The following NEDD4L variants were observed in gnomAD, a reference collection of about 807,000 sequenced individuals.
The protein encoded by NEDD4L is E3 ubiquitin-protein ligase NEDD4-like.
A neutral mutation model predicts 148.9 loss-of-function variants in NEDD4L; 54 were observed. The observed-to-expected ratio is 0.36, with a 90% CI of 0.29 to 0.45. The LOEUF (loss-of-function observed/expected upper bound fraction) is 0.45. NEDD4L is among the 20% of genes least tolerant of loss of function. NEDD4L has a pLI of 1.00. For synonymous variants in NEDD4L, 433 were observed against 440.7 expected (o/e 0.98, Z 0.22); for missense variants, 856 against 1,233.8 (o/e 0.69, Z 4.59).
intron 19 of NEDD4L, among the ~76,000 whole-genome samples, chr18:58,363,340 C>G (rs2146000142): frequency 6.6e-6 from 1 of 152,278 alleles, no homozygotes; most frequent in African/African-American, 2.4e-5. Flanking sequence ...GAAATGATAA[C>G]AGCAGAAGTA....
chr18:58,175,395 AC>A (rs1415670771), intron 2 of NEDD4L, among the ~76,000 whole-genome samples: 1 of 152,156 alleles, frequency 6.6e-6, no homozygotes, highest in Non-Finnish European at 1.5e-5. Context: ...CGGCATTTGG[AC>A]TTGTCCTCTG....
At chr18:58,386,719 GCT>G (rs1448201536) in intron 26 of NEDD4L, among the ~76,000 whole-genome samples, 1 of 152,218 alleles carries the variant, frequency 6.6e-6, no homozygotes, top group Non-Finnish European at 1.5e-5. Flanking sequence ...CTGAGGCAGA[GCT>G]CTCGTGGGGT....
At chr18:58,139,480 TCAA>T (rs2033247541) in intron 1 of NEDD4L, among the ~76,000 whole-genome samples, 1 of 152,124 alleles carries the variant, frequency 6.6e-6, no homozygotes, top group Non-Finnish European at 1.5e-5. Flanking sequence ...GATAATCCTA[TCAA>T]CATTCTATCA....
intron 2 of NEDD4L, among the ~76,000 whole-genome samples, chr18:58,236,223 G>A (rs2045998638): frequency 6.6e-6 from 1 of 151,900 alleles, no homozygotes; most frequent in African/African-American, 2.4e-5. Flanking sequence ...CAGGCATGGT[G>A]GTGTGTGTCT....
chr18:58,092,899 C>T (rs1436174882), intron 1 of NEDD4L, among the ~76,000 whole-genome samples: 1 of 144,562 alleles, frequency 6.9e-6, no homozygotes, highest in Non-Finnish European at 1.5e-5. Flanking sequence ...CTCGCTCTGT[C>T]CCCCAGGCTG....
At chr18:58,143,463 C>A (rs966325284) in intron 1 of NEDD4L, among the ~76,000 whole-genome samples, 1 of 152,218 alleles carries the variant, frequency 6.6e-6, no homozygotes, top group African/African-American at 2.4e-5. Context: ...GCATTTCTCC[C>A]TTATCTGCCG....
intron 1 of NEDD4L, among the ~76,000 whole-genome samples, chr18:58,126,926 C>T: frequency 6.6e-6 from 1 of 152,232 alleles, no homozygotes; most frequent in South Asian, 2.1e-4. Flanking sequence ...AGGTGCCTGC[C>T]TGGGCAGCCC....
chr18:58,105,662 A>G (rs1221679113), intron 1 of NEDD4L, among the ~76,000 whole-genome samples: 1 of 152,190 alleles, frequency 6.6e-6, no homozygotes, highest in Non-Finnish European at 1.5e-5. Flanking sequence ...ATGATTAAGA[A>G]AAATAGGTGG....
Position 58,066,387 on chromosome 18 carries a change from G to GTTTT in NEDD4L, c.48+21699_48+21702dup, listed in dbSNP as rs368243667. On this transcript the variant is annotated intron_variant, in intron 1 of 30. Transcript: ENST00000400345. Reference sequence around the variant, plus strand: ...GTAAATTTAGATCCACTCTGTATTAGTTTTTTTTTTTTTTTTTTTTTTTAA... The same window carrying GTTTT: ...GTAAATTTAGATCCACTCTGTATTAGTTTTTTTTTTTTTTTTTTTTTTTTTTTAA... Among the ~76,000 whole-genome samples, 432 of 112,092 alleles carry GTTTT rather than the reference G, an allele frequency of 3.9e-3. 23 individuals carry two copies. Among genetic ancestry groups the GTTTT allele is most frequent in the Middle Eastern group, 0.016 (2 of 124 alleles). The allele number at this position is 112,092 out of a possible 152,430, so 73.5% of individuals were successfully genotyped here. A position where few individuals can be genotyped will look rare whatever the true frequency, so the allele number is the denominator to read the frequency against.
intron 2 of NEDD4L, among the ~76,000 whole-genome samples, chr18:58,233,239 G>A (rs1394636769): frequency 6.6e-6 from 1 of 152,106 alleles, no homozygotes; most frequent in African/African-American, 2.4e-5. Flanking sequence ...ATAATAATTG[G>A]AATAATCACT....
intron 2 of NEDD4L, among the ~76,000 whole-genome samples, chr18:58,237,867 G>C (rs2046209973): frequency 6.6e-6 from 1 of 152,178 alleles, no homozygotes; most frequent in African/African-American, 2.4e-5. Flanking sequence ...GACTAGTTAT[G>C]GATGGCAAGG....
intron 1 of NEDD4L, among the ~76,000 whole-genome samples, chr18:58,092,263 G>A (rs919946516): frequency 2.0e-5 from 3 of 152,212 alleles, no homozygotes; most frequent in Non-Finnish European, 2.9e-5. Context: ...CCAGCTGAAC[G>A]TCTTGCTCTG....
chr18:58,158,016 G>A (rs1037466398), intron 1 of NEDD4L, among the ~76,000 whole-genome samples: 3 of 152,210 alleles, frequency 2.0e-5, no homozygotes, highest in African/African-American at 7.2e-5. Flanking sequence ...TAACTGGGTG[G>A]TTCTGACATG....
chr18:58,374,679 T>A (rs2047324063), intron 24 of NEDD4L, among the ~76,000 whole-genome samples: 1 of 151,208 alleles, frequency 6.6e-6, no homozygotes, highest in Non-Finnish European at 1.5e-5. Flanking sequence ...TTGACACAAA[T>A]AGCTCACTCC....
intron 1 of NEDD4L, chr18:58,090,723 C>G (rs1364686062): frequency 6.6e-6 from 1 of 152,110 alleles, no homozygotes; most frequent in African/African-American, 2.4e-5. Context: ...ATTGATCCAC[C>G]CACCTTGGCC....
At position 58,127,041 on chromosome 18, in the gene NEDD4L, G is replaced by C. The variant is rs915095585; in HGVS notation, c.49-38747G>C. Among the ~76,000 whole-genome samples the C allele has an allele frequency of 2.0e-5, 3 of 152,150 alleles. No homozygotes were observed. The South Asian group carries it at 6.2e-4, about 32-fold the overall frequency. On this transcript the variant is annotated intron_variant, in intron 1 of 30. Coordinates refer to ENST00000400345, the MANE Select transcript of NEDD4L (RefSeq NM_001144967.3). ...GGTGAGACTGGGGTGACGGCTGCTC[G>C]CGGCTTGGTCACCTTCTTCTCTGCT...
intron 5 of NEDD4L, among the ~76,000 whole-genome samples, chr18:58,262,298 G>GCC (rs2049505520): frequency 2.0e-5 from 3 of 152,306 alleles, no homozygotes; most frequent in Admixed American, 2.0e-4. Context: ...CCAGTGCCAG[G>GCC]CCCTGGACTT....
chr18:58,298,839 ATAT>A (rs1291785379), intron 5 of NEDD4L, among the ~76,000 whole-genome samples: 2 of 152,218 alleles, frequency 1.3e-5, no homozygotes, highest in African/African-American at 2.4e-5. Flanking sequence ...GCAGCATAGC[ATAT>A]TATTTCTTCC....
chr18:58,322,233 G>A (rs1231998963), intron 6 of NEDD4L, among the ~76,000 whole-genome samples, 192 bp from the exon 7 acceptor site: 3 of 152,088 alleles, frequency 2.0e-5, no homozygotes, highest in Admixed American at 6.5e-5. Context: ...CCTAAAACCC[G>A]GTGTGGATAG....
Sources: gnomAD v4.1 joint callset for allele counts (sites outside exome capture counted in the v4.1 genomes callset) on GRCh38, gnomAD v4.1.1 for gene constraint, MANE v1.5 for transcripts, NCBI Gene and HGNC (gene_info 2026-07-23, HGNC 2026-07-21) for gene names.